DROSHA: variants seen among roughly 807,000 people sequenced by gnomAD.
DROSHA encodes the protein ribonuclease 3.
A neutral mutation model predicts 181.9 loss-of-function variants in DROSHA; 56 were observed. The ratio of observed to expected loss-of-function variants is 0.31; its 90% confidence interval spans 0.25 to 0.38. DROSHA has a LOEUF of 0.38. Among genes scored for constraint, DROSHA ranks in the 10% least tolerant of loss-of-function variants. DROSHA has a pLI of 1.00. For missense variants in DROSHA, 1,218 were observed against 1,743.5 expected, an observed-to-expected ratio of 0.70 and a Z score of 5.37; for synonymous variants, 524 against 591.2, an observed-to-expected ratio of 0.89 and a Z score of 1.65.
chr5:31,436,701 G>A (rs1324282104), intron 24 of DROSHA, among the ~76,000 whole-genome samples: 3 of 148,292 alleles, frequency 2.0e-5, no homozygotes, highest in East Asian at 2.0e-4. Context: ...CGTCCTACCC[G>A]TACTTTCAAA....
chr5:31,401,001 TC>T lies in DROSHA; in HGVS notation c.*430del, dbSNP rs1335547904. 1.1e-5 allele frequency: 2 copies of T among 183,394 alleles called. No individual in the cohort carries two copies. Among genetic ancestry groups the T allele is most frequent in the African/African-American group, 4.8e-5 (2 of 41,998 alleles). The allele number at this position is 183,394 out of a possible 1,614,324, so 11.4% of individuals were successfully genotyped here. On this transcript the variant is annotated 3_prime_UTR_variant, in exon 36 of 36. Transcript: ENST00000344624. ...CAGCCACCGGATGAAAGCTGAACAA[TC>T]TACTTAAAAATCCAGAGATTTGAAA... is the stretch of plus-strand genomic sequence containing the variant.
chr5:31,442,856 T>C (rs1745758732), intron 23 of DROSHA, among the ~76,000 whole-genome samples: 2 of 152,006 alleles, frequency 1.3e-5, no homozygotes, highest in Admixed American at 1.3e-4. Context: ...CCAGGAGATC[T>C]GAGATCCAGT....
intron 29 of DROSHA, among the ~76,000 whole-genome samples, chr5:31,422,207 C>T (rs2149996161): frequency 6.6e-6 from 1 of 151,660 alleles, no homozygotes; most frequent in Admixed American, 6.6e-5. Context: ...TTCATCTTTA[C>T]AGGTTAAAGA....
rs1263253493 is a variant in DROSHA, at chr5:31,470,186, ATGT to A, written c.2241+1874_2241+1876del. ...TTTCATACTGACTAGGTCTGACTTC[ATGT>A]TGTTAATACTGGCTTTACAGCATCT... On this transcript the variant is annotated intron_variant, in intron 17 of 35. Coordinates refer to ENST00000344624, the MANE Select transcript of DROSHA (RefSeq NM_001382508.1). The surrounding 1 kb of genome is among the most constrained non-coding windows in gnomAD (Gnocchi z 4.0). Among the ~76,000 whole-genome samples the A allele has an allele frequency of 9.2e-5, 14 of 152,226 alleles. No homozygotes were observed. In the South Asian group the frequency reaches 1.0e-3, roughly 11 times the overall value.
At chr5:31,522,340 A>C (rs1292619943) in intron 5 of DROSHA, among the ~76,000 whole-genome samples, 1 of 152,214 alleles carries the variant, frequency 6.6e-6, no homozygotes, top group African/African-American at 2.4e-5. Flanking sequence ...TATAGAAATT[A>C]GTGAACCATG....
chr5:31,408,534 C>T (rs541309356), intron 33 of DROSHA, among the ~76,000 whole-genome samples: 1 of 152,202 alleles, frequency 6.6e-6, no homozygotes, highest in Non-Finnish European at 1.5e-5. Context: ...CTTTTGGCTA[C>T]CACTCAAAGG....
At chr5:31,502,913 G>C (rs549185026) in intron 11 of DROSHA, among the ~76,000 whole-genome samples, 1 of 152,194 alleles carries the variant, frequency 6.6e-6, no homozygotes, top group Non-Finnish European at 1.5e-5. Context: ...CCTGAAGTTA[G>C]AATATAGATG....
In DROSHA at chr5:31,530,279, C is replaced by T. The variant is rs539360554; in HGVS notation, c.-47+519G>A. On this transcript the variant is annotated intron_variant, in intron 3 of 35. Coordinates refer to ENST00000344624, the MANE Select transcript of DROSHA (RefSeq NM_001382508.1). Reference sequence around the variant, plus strand: ...GGAACTACAGGCGTGAGTCACTGCGCCTGACTCCTTATTACTATTATCCAG... The same window carrying T: ...GGAACTACAGGCGTGAGTCACTGCGTCTGACTCCTTATTACTATTATCCAG... Among the ~76,000 whole-genome samples, 11 of 152,164 alleles carry T rather than the reference C, an allele frequency of 7.2e-5. No homozygotes were observed. The South Asian group carries it at 2.3e-3, about 32-fold the overall frequency.
chr5:31,437,120 T>C (rs567901678), intron 24 of DROSHA, 119 bp downstream of exon 24: 1 of 1,103,192 alleles, frequency 9.1e-7, no homozygotes, highest in African/African-American at 1.6e-5. Context: ...ACAAAAGAGA[T>C]AAAATACACG....
chr5:31,418,271 G>C (rs557795095), intron 30 of DROSHA, among the ~76,000 whole-genome samples: 1 of 152,054 alleles, frequency 6.6e-6, no homozygotes, highest in Non-Finnish European at 1.5e-5. Context: ...GGGAGACAGA[G>C]AGAGAGAGAC....
intron 35 of DROSHA, among the ~76,000 whole-genome samples, chr5:31,403,428 C>T (rs1379085789): frequency 3.9e-5 from 6 of 152,116 alleles, no homozygotes. Context: ...TATATATACA[C>T]ACACACACAT....
At chr5:31,421,704 C>T (rs2149995400) in intron 29 of DROSHA, 1 of 208,714 alleles carries the variant, frequency 4.8e-6, no homozygotes, top group Admixed American at 5.4e-5. Flanking sequence ...TGAAAGAAAG[C>T]AAACAGGTCC....
intron 30 of DROSHA, among the ~76,000 whole-genome samples, chr5:31,418,902 G>T (rs1580012363): frequency 6.6e-6 from 1 of 152,122 alleles, no homozygotes; most frequent in Non-Finnish European, 1.5e-5. Context: ...AGGCAGCTAG[G>T]GCTGGAACTC....
At chr5:31,468,806 A>G (rs1749410841) in intron 17 of DROSHA, among the ~76,000 whole-genome samples, 1 of 152,230 alleles carries the variant, frequency 6.6e-6, no homozygotes, top group Non-Finnish European at 1.5e-5. Context: ...AGTTTTCACT[A>G]GCACACTGTA....
chr5:31,406,497 A>T (rs1008962761), intron 34 of DROSHA, among the ~76,000 whole-genome samples: 1 of 152,132 alleles, frequency 6.6e-6, no homozygotes, highest in Non-Finnish European at 1.5e-5. Flanking sequence ...CTCCAAAAAA[A>T]AAAATAAATA....
intron 24 of DROSHA, 93 bp downstream of exon 24, chr5:31,437,146 A>G: frequency 7.5e-7 from 1 of 1,331,686 alleles, no homozygotes; most frequent in Non-Finnish European, 1.0e-6. Context: ...TCAATGCCTT[A>G]TTTGGCTAAT....
intron 16 of DROSHA, among the ~76,000 whole-genome samples, chr5:31,476,327 T>A (rs571980146): frequency 6.6e-6 from 1 of 152,190 alleles, no homozygotes; most frequent in Non-Finnish European, 1.5e-5. Flanking sequence ...ACTGTGCCAC[T>A]GCACTCCAGC....
intron 6 of DROSHA, 136 bp downstream of exon 6, chr5:31,520,987 G>A (rs1023620688): frequency 5.6e-6 from 4 of 712,628 alleles, no homozygotes; most frequent in South Asian, 2.2e-5. Context: ...ATTACAGTCT[G>A]CTTTAGCTTT....
At chr5:31,435,921 G>A in intron 24 of DROSHA, 57 bp from the exon 25 acceptor site, 3 of 1,509,544 alleles carry the variant, frequency 2.0e-6, no homozygotes, top group Non-Finnish European at 2.7e-6. Flanking sequence ...TCTGTCTGTG[G>A]CTCTGAGTCA....
Sources: allele counts gnomAD v4.1 joint callset (sites outside exome capture counted in the v4.1 genomes callset), GRCh38; gene constraint gnomAD v4.1.1; non-coding constraint Gnocchi (gnomAD v3.1); transcripts MANE v1.5; gene names NCBI Gene and HGNC (gene_info 2026-07-23, HGNC 2026-07-21).